SMAP2: variants seen among roughly 807,000 people sequenced by gnomAD.
SMAP2 encodes the protein stromal membrane-associated protein 2.
SMAP2 carries 25 observed loss-of-function variants against 56.4 expected under a neutral mutation model. The ratio of observed to expected loss-of-function variants is 0.44; its 90% CI spans 0.32 to 0.62. The LOEUF is 0.62. SMAP2 is among the 20% of genes least tolerant of loss of function. SMAP2 has a pLI of 0.04. For missense variants in SMAP2, 388 were observed against 545.6 expected, an observed-to-expected ratio of 0.71 and a Z score of 2.88; for synonymous variants, 157 against 181.7, an observed-to-expected ratio of 0.86 and a Z score of 1.09.
chr1:40,383,348 C>T, intron 1 of SMAP2, among the ~76,000 whole-genome samples: 1 of 152,158 alleles, frequency 6.6e-6, no homozygotes, highest in East Asian at 1.9e-4. Flanking sequence ...CTCAGTGCCT[C>T]CCATTGATGG....
chr1:40,377,018 G>T (rs1644547171), intron 1 of SMAP2, among the ~76,000 whole-genome samples: 1 of 152,116 alleles, frequency 6.6e-6, no homozygotes, highest in South Asian at 2.1e-4. Flanking sequence ...GGGTGTGGTG[G>T]CTCAAACCTG....
chr1:40,393,413 C>T (rs1248871570), intron 1 of SMAP2: 8 of 1,535,468 alleles, frequency 5.2e-6, no homozygotes, highest in African/African-American at 1.4e-5. Flanking sequence ...GGAGAAAAGG[C>T]TTCATGGGGA....
chr1:40,390,891 C>T (rs1644709176), intron 1 of SMAP2, among the ~76,000 whole-genome samples: 1 of 152,200 alleles, frequency 6.6e-6, no homozygotes, highest in Admixed American at 6.5e-5. Flanking sequence ...TGTTACAGAA[C>T]AAGAGAGGCT....
chr1:40,365,547 C>T (rs192417471), intron 2 of SMAP2, among the ~76,000 whole-genome samples: 7 of 152,162 alleles, frequency 4.6e-5, no homozygotes, highest in African/African-American at 9.6e-5. Context: ...CCAAGATGGC[C>T]GAATAGGAAC....
intron 2 of SMAP2, among the ~76,000 whole-genome samples, chr1:40,367,863 T>A: frequency 4.2e-5 from 4 of 95,192 alleles, no homozygotes; most frequent in Non-Finnish European, 6.1e-5. Context: ...AGAGCAGAAC[T>A]GAAGAAAATA....
intron 1 of SMAP2, among the ~76,000 whole-genome samples, chr1:40,391,522 A>C (rs1035165765): frequency 2.6e-5 from 4 of 152,136 alleles, no homozygotes; most frequent in Admixed American, 6.5e-5. Flanking sequence ...TCAGATAGCA[A>C]CCTAGGAAGG....
chr1:40,417,183 C>A, intron 9 of SMAP2, 87 bp downstream of exon 9: 1 of 918,352 alleles, frequency 1.1e-6, no homozygotes, highest in East Asian at 2.7e-5. Flanking sequence ...TCCTTTGAAT[C>A]CTTTCCATGT....
chr1:40,394,832 C>A (rs958825729), intron 1 of SMAP2, among the ~76,000 whole-genome samples: 4 of 152,100 alleles, frequency 2.6e-5, no homozygotes, highest in Non-Finnish European at 5.9e-5. Flanking sequence ...TTGTGGCAGT[C>A]AGGAGGTCCT....
rs1645054907 is a variant in SMAP2 at position 40,422,692 on chromosome 1, A to G, written c.*591A>G. On this transcript the variant is annotated 3_prime_UTR_variant, in exon 10 of 10. Coordinates refer to ENST00000372718, the MANE Select transcript of SMAP2 (RefSeq NM_022733.3). Reference sequence around the variant, plus strand: ...CAAAAATACTACTCTCTTCGCCCTGAGTTGCTTTCTGGATCTGGGGCTTCA... The same window carrying G: ...CAAAAATACTACTCTCTTCGCCCTGGGTTGCTTTCTGGATCTGGGGCTTCA... The G allele has an allele frequency of 6.6e-6, 1 of 152,502 alleles. No homozygotes were observed. Among genetic ancestry groups the G allele is most frequent in the South Asian group, 2.1e-4 (1 of 4,856 alleles). The allele number at this position is 152,502 out of a possible 1,614,324, so 9.4% of individuals were successfully genotyped here.
chr1:40,371,792 A>G (rs1345155355), upstream of SMAP2, among the ~76,000 whole-genome samples: 1 of 152,188 alleles, frequency 6.6e-6, no homozygotes, highest in Non-Finnish European at 1.5e-5. Context: ...CTATCTACCA[A>G]GGGCTGTTCT....
intron 7 of SMAP2, 151 bp from the exon 8 acceptor site, chr1:40,416,025 G>T (rs759009397): frequency 2.3e-5 from 17 of 729,632 alleles, no homozygotes; most frequent in Non-Finnish European, 3.5e-5. Context: ...GGTGTGTTCA[G>T]ATAGTTGAAT....
In SMAP2 at chr1:40,374,618, TGTGTGTGA is replaced by T. The variant is rs1453654145; in HGVS notation, c.103+397_103+404del. On this transcript the variant is annotated intron_variant, in intron 1 of 9. Transcript: ENST00000372718. This position sits in a 1 kb window ranked among gnomAD's most constrained non-coding sequence, Gnocchi z 5.9. ...GTGCGTGTGTGTGTGTGTGTGTGTG[TGTGTGTGA>T]GAGAGAGAGAGAGAGAATGACGAGG... 2.3e-5 allele frequency: 32 copies of T among 1,408,120 alleles called. No individual in the cohort carries two copies. The African/African-American group carries it at 2.5e-4, about 11-fold the overall frequency. 87.2% of individuals were successfully genotyped at this position (1,408,120 alleles called of 1,614,324 possible). A position where few individuals can be genotyped will look rare whatever the true frequency, so the allele number is the denominator to read the frequency against.
In SMAP2 at chr1:40,374,393, T is replaced by C. The variant is rs1644520864; in HGVS notation, c.103+170T>C. Among the ~76,000 whole-genome samples, 1 of 151,740 alleles carries C rather than the reference T, an allele frequency of 6.6e-6. No individual in the cohort carries two copies. Among genetic ancestry groups the C allele is most frequent in the African/African-American group, 2.4e-5 (1 of 41,292 alleles). The stretch of plus-strand genomic sequence containing the variant: ...GGGCTTTCTGCAGCTGGGGGATTGG[T>C]ATGGGTAGAGCTTGCGAGGGCGAGT... On this transcript the variant is annotated intron_variant, in intron 1 of 9. Transcript: ENST00000372718. The surrounding 1 kb of genome is among the most constrained non-coding windows in gnomAD (Gnocchi z 5.9).
At chr1:40,352,013 G>A (rs544672227) in intron 1 of SMAP2, among the ~76,000 whole-genome samples, 1 of 151,816 alleles carries the variant, frequency 6.6e-6, no homozygotes, top group East Asian at 1.9e-4. Context: ...GCACACACCC[G>A]CACATCCATG....
At chr1:40,354,703 A>T (rs541343958) in intron 1 of SMAP2, among the ~76,000 whole-genome samples, 2 of 149,448 alleles carry the variant, frequency 1.3e-5, no homozygotes, top group Non-Finnish European at 3.0e-5. Context: ...TATTAGCTTT[A>T]GTAGTATAAC....
At chr1:40,392,420 A>G (rs1268132576) in intron 1 of SMAP2, among the ~76,000 whole-genome samples, 2 of 152,136 alleles carry the variant, frequency 1.3e-5, no homozygotes, top group African/African-American at 4.8e-5. Flanking sequence ...CCTTTGCTGG[A>G]GTAATTACCC....
intron 1 of SMAP2, among the ~76,000 whole-genome samples, chr1:40,347,022 CTATTTATT>C (rs66542909): frequency 1.0e-4 from 15 of 143,436 alleles, no homozygotes; most frequent in South Asian, 4.5e-4. Context: ...GCTTAAAAAT[CTATTTATT>C]TATTTATTTA....
intron 2 of SMAP2, among the ~76,000 whole-genome samples, chr1:40,363,946 G>A (rs1644469213): frequency 6.6e-6 from 1 of 152,206 alleles, no homozygotes; most frequent in South Asian, 2.1e-4. Context: ...ACTAAGCTTA[G>A]TCTCACCAAG....
At chr1:40,354,527 T>G (rs1006279260) in intron 1 of SMAP2, among the ~76,000 whole-genome samples, 1 of 151,344 alleles carries the variant, frequency 6.6e-6, no homozygotes, top group Admixed American at 6.6e-5. Flanking sequence ...TTAGTAGAGA[T>G]GGGGTTTCAC....
Sources: allele counts gnomAD v4.1 joint callset (sites outside exome capture counted in the v4.1 genomes callset), GRCh38; gene constraint gnomAD v4.1.1; non-coding constraint Gnocchi (gnomAD v3.1); transcripts MANE v1.5; gene names NCBI Gene and HGNC (gene_info 2026-07-23, HGNC 2026-07-21).